The following PTPRZ1 variants were observed in gnomAD, a reference collection of about 807,000 sequenced individuals.
The protein encoded by PTPRZ1 is protein tyrosine phosphatase receptor type Z1.
PTPRZ1 carries 82 observed loss-of-function variants against 214.1 expected under a neutral mutation model. That is an observed-to-expected ratio of 0.38 (90% CI 0.32 to 0.46). PTPRZ1 has a LOEUF of 0.46. Among genes scored for constraint, PTPRZ1 ranks in the 20% least tolerant of loss-of-function variants. The probability of loss-of-function intolerance (pLI) is 1.00; values close to 1 mark genes in which losing one functional copy is unlikely to be tolerated. For missense variants in PTPRZ1, 2,603 were observed against 2,748.7 expected, an observed-to-expected ratio of 0.95 and a Z score of 1.19; for synonymous variants, 945 against 987.9, an observed-to-expected ratio of 0.96 and a Z score of 0.81.
At chr7:122,010,282 T>A (rs1798605837) in intron 11 of PTPRZ1, 52 bp from the exon 12 acceptor site, 1 of 1,512,262 alleles carries the variant, frequency 6.6e-7, no homozygotes, top group Non-Finnish European at 8.9e-7. Flanking sequence ...ATGAAGATTT[T>A]CTTTTTCTCT....
At chr7:121,983,250 G>A (rs1563049909) in intron 6 of PTPRZ1, among the ~76,000 whole-genome samples, 1 of 152,142 alleles carries the variant, frequency 6.6e-6, no homozygotes. Context: ...TTGATCTCTA[G>A]GGGAAACACT....
chr7:121,878,890 G>GA (rs200941915), intron 1 of PTPRZ1, among the ~76,000 whole-genome samples: 15,775 of 151,032 alleles, frequency 0.1, 2,294 homozygotes, highest in African/African-American at 0.33. Context: ...AAGCTTCTTA[G>GA]AAAAAAAAAT....
At chr7:121,948,902 G>A (rs778652074) in intron 2 of PTPRZ1, among the ~76,000 whole-genome samples, 38 of 152,194 alleles carry the variant, frequency 2.5e-4, no homozygotes, top group Admixed American at 1.2e-3. Context: ...ACATTATATA[G>A]TGTTACTTCC....
chr7:122,010,795 T>G lies in PTPRZ1; in HGVS notation c.1749T>G (p.Ala583=). 1 of 1,614,040 alleles carries G rather than the reference T, an allele frequency of 6.2e-7. No individual in the cohort carries two copies. The highest frequency in any genetic ancestry group is 1.3e-5 in the African/African-American group (1 of 75,040). The stretch of plus-strand genomic sequence containing the variant: ...CCAGTTTCAAGCTTGATACTGGAGC[T>G]GAAGATTCTTCAGGCTCCAGTCCCG... ...LLTSFKLDTG[A]EDSSGSSPAT... The change falls in exon 12 of 30, where the codon GCT becomes GCG. Residue 583 remains alanine, a synonymous_variant. Transcript: ENST00000393386.
intron 1 of PTPRZ1, among the ~76,000 whole-genome samples, chr7:121,885,683 C>A (rs1249779571): frequency 2.0e-5 from 3 of 152,142 alleles, no homozygotes; most frequent in Admixed American, 6.6e-5. Context: ...GTTATACCAA[C>A]CCTTCCCCAC....
chr7:122,004,648 A>G lies in PTPRZ1; in HGVS notation c.1275A>G (p.Glu425=). Residue 425 remains glutamate, a synonymous_variant, in exon 11 of 30, where the codon GAA becomes GAG. Coordinates refer to ENST00000393386, the MANE Select transcript of PTPRZ1 (RefSeq NM_002851.3). ...LDLFPELIGT[E]EIIKEEEEGK... is the part of the protein sequence containing the mutation. The stretch of plus-strand genomic sequence containing the variant: ...TTTTCCCTGAATTAATTGGAACTGA[A>G]GAAATAATCAAGGTATCATAGCCAT... 2 of 1,360,168 alleles carry G rather than the reference A, an allele frequency of 1.5e-6. No homozygotes were observed. Among genetic ancestry groups the G allele is most frequent in the Non-Finnish European group, 2.0e-6 (2 of 977,068 alleles). The allele number at this position is 1,360,168 out of a possible 1,614,324, so 84.3% of individuals were successfully genotyped here. A position where few individuals can be genotyped will look rare whatever the true frequency, so the allele number is the denominator to read the frequency against.
chr7:122,031,527 C>A lies in PTPRZ1; in HGVS notation c.5134C>A (p.His1712Asn). The change falls in exon 15 of 30, where the codon CAT becomes AAT. Residue 1712 changes from histidine to asparagine, a missense_variant. His to Asn is a moderately conservative substitution (Grantham distance 68). Around this residue, in one of 6 missense-constraint regions of PTPRZ1, gnomAD observed 1,913 missense variants for 1,914.3 expected, o/e 1.00. Coordinates refer to ENST00000393386, the MANE Select transcript of PTPRZ1 (RefSeq NM_002851.3). Reference sequence around the variant, plus strand: ...CTTTCCAAAGCATGTTGCAGATTTACATGCAAGTAGTGGGTTTACTGAAGA... The same window carrying A: ...CTTTCCAAAGCATGTTGCAGATTTAAATGCAAGTAGTGGGTTTACTGAAGA... ...KHFPKHVADL[H>N]ASSGFTEEFE... 6.2e-7 allele frequency: 1 copy of A among 1,610,498 alleles called. No individual in the cohort carries two copies. Among genetic ancestry groups the A allele is most frequent in the South Asian group, 1.1e-5 (1 of 90,452 alleles).
At chr7:121,926,947 G>A (rs919708968) in intron 1 of PTPRZ1, among the ~76,000 whole-genome samples, 1 of 152,020 alleles carries the variant, frequency 6.6e-6, no homozygotes, top group Non-Finnish European at 1.5e-5. Context: ...TTTTGGCTTT[G>A]GATAACCTGT....
rs761185531 is a variant in PTPRZ1, at chr7:122,012,636, CTG to C, written c.3592_3593del (p.Val1198SerfsTer7). 6.2e-7 allele frequency: 1 copy of C among 1,613,844 alleles called. No individual in the cohort carries two copies. Among genetic ancestry groups the C allele is most frequent in the Non-Finnish European group, 8.5e-7 (1 of 1,179,798 alleles). On this transcript the variant is annotated frameshift_variant, in exon 12 of 30. Transcript: ENST00000393386. LOFTEE classifies it high-confidence loss of function. ...TCTGATGTTGACACCTTGCTTAAAA[CTG>C]TTCTTCCAGCTGTGCCCAGTGATCC...
In PTPRZ1 at chr7:121,953,798, G is replaced by A. The variant is rs6466809; in HGVS notation, c.125-14153G>A. On this transcript the variant is annotated intron_variant, in intron 2 of 29. Coordinates refer to ENST00000393386, the MANE Select transcript of PTPRZ1 (RefSeq NM_002851.3). ...GAAAACGGTGTAGATCAAAGAAAAC[G>A]GTGATTCGGTGATTGTTCCCCTTCT... 6.8e-3 allele frequency among the ~76,000 whole-genome samples: 1,038 copies of A among 151,982 alleles called. 11 individuals are homozygous for A. The highest frequency in any genetic ancestry group is 0.024 in the African/African-American group (981 of 41,440).
At chr7:121,877,529 A>T (rs1170206409) in intron 1 of PTPRZ1, among the ~76,000 whole-genome samples, 1 of 152,182 alleles carries the variant, frequency 6.6e-6, no homozygotes, top group Non-Finnish European at 1.5e-5. Context: ...TCATGTAGCA[A>T]TCACTGTGAT....
intron 1 of PTPRZ1, among the ~76,000 whole-genome samples, chr7:121,914,135 G>C (rs1378339494): frequency 6.6e-6 from 1 of 152,122 alleles, no homozygotes; most frequent in Non-Finnish European, 1.5e-5. Flanking sequence ...GCAACATGGT[G>C]AAACCCTGTC....
At chr7:121,927,661 C>T (rs942656104) in intron 1 of PTPRZ1, among the ~76,000 whole-genome samples, 8 of 152,094 alleles carry the variant, frequency 5.3e-5, no homozygotes, top group East Asian at 1.9e-4. Context: ...ACTTTCTGAC[C>T]GCAGCTAATT....
At chr7:121,966,277 G>A (rs554472476) in intron 2 of PTPRZ1, among the ~76,000 whole-genome samples, 3 of 152,230 alleles carry the variant, frequency 2.0e-5, no homozygotes, top group African/African-American at 7.2e-5. Flanking sequence ...ATTATATTCA[G>A]TGTTATTGAA....
At chr7:122,056,882 A>G (rs912244224) in intron 27 of PTPRZ1, among the ~76,000 whole-genome samples, 2 of 151,866 alleles carry the variant, frequency 1.3e-5, no homozygotes, top group African/African-American at 4.8e-5. Context: ...CGTGCTGCTT[A>G]CTTTTAAATA....
rs553083464 is a variant in PTPRZ1, at chr7:121,881,287, C to T, written c.58+7730C>T. The stretch of plus-strand genomic sequence containing the variant: ...TTTTGATCTTAAACTTCCCAGCCTC[C>T]ATATCTGTGAGAAATAAATGTCTGT... On this transcript the variant is annotated intron_variant, in intron 1 of 29. Transcript: ENST00000393386. Among the ~76,000 whole-genome samples the T allele has an allele frequency of 3.9e-5, 6 of 152,296 alleles. No individual in the cohort carries two copies. In the South Asian group the frequency reaches 1.2e-3, roughly 32 times the overall value.
At chr7:121,970,205 T>C (rs1797195066) in intron 3 of PTPRZ1, among the ~76,000 whole-genome samples, 1 of 152,198 alleles carries the variant, frequency 6.6e-6, no homozygotes, top group South Asian at 2.1e-4. Context: ...CTATTGTTGT[T>C]GGACATTTGG....
At chr7:121,910,933 T>C (rs1409686418) in intron 1 of PTPRZ1, among the ~76,000 whole-genome samples, 1 of 152,146 alleles carries the variant, frequency 6.6e-6, no homozygotes, top group Non-Finnish European at 1.5e-5. Context: ...TTCATAGTCA[T>C]GGAAAATAAA....
Position 122,012,035 on chromosome 7 carries a change from T to C in PTPRZ1, c.2989T>C (p.Ser997Pro), listed in dbSNP as rs1351496958. 1 of 1,614,192 alleles carries C rather than the reference T, an allele frequency of 6.2e-7. No homozygotes were observed. The highest frequency in any genetic ancestry group is 2.2e-5 in the East Asian group (1 of 44,886). Residue 997 changes from serine to proline, a missense_variant, in exon 12 of 30, where the codon TCT becomes CCT. This residue lies in a region of PTPRZ1 where 1,913 missense variants were observed against 1,914.3 expected (regional missense o/e 1.00). Transcript: ENST00000393386. ...TGCCCTCTCTGGTGATGGGGAATGG[T>C]CTGGAGCCTCTTCTGATAGTGAATT... is the stretch of plus-strand genomic sequence containing the variant. ...THALSGDGEWSGASSDSEFLL... is the reference protein window; with the variant it reads ...THALSGDGEWPGASSDSEFLL...
Sources: allele counts gnomAD v4.1 joint callset (sites outside exome capture counted in the v4.1 genomes callset), GRCh38; gene constraint gnomAD v4.1.1; regional missense constraint gnomAD v4.1.1; transcripts MANE v1.5; gene names NCBI Gene and HGNC (gene_info 2026-07-23, HGNC 2026-07-21).